Variants in CSMD1 observed in about 807,000 individuals in gnomAD.
The protein encoded by CSMD1 is CUB and sushi domain-containing protein 1.
A neutral mutation model predicts 417.5 loss-of-function variants in CSMD1; 213 were observed. The observed-to-expected ratio is 0.51, with a 90% CI of 0.46 to 0.57. The LOEUF is 0.57. CSMD1 is among the 20% of genes least tolerant of loss of function. The pLI, the probability that CSMD1 is intolerant of heterozygous loss-of-function variation, is 0.00. For missense variants in CSMD1, 6,923 were observed against 4,529.7 expected, an observed-to-expected ratio of 1.53 and a Z score of -15.17; for synonymous variants, 2,862 against 1,736.8, an observed-to-expected ratio of 1.65 and a Z score of -16.11.
intron 1 of CSMD1, among the ~76,000 whole-genome samples, chr8:4,815,583 C>T (rs1026824765): frequency 2.0e-5 from 3 of 150,556 alleles, no homozygotes; most frequent in Non-Finnish European, 2.9e-5. Flanking sequence ...GTAATCCCAG[C>T]TATTTGGGAG....
In CSMD1 at chr8:3,290,211, G is replaced by A. The variant is rs542848916; in HGVS notation, c.3951-5865C>T. Among the ~76,000 whole-genome samples the A allele has an allele frequency of 8.6e-4, 122 of 142,306 alleles. 7 individuals carry two copies. Among genetic ancestry groups the A allele is most frequent in the African/African-American group, 2.3e-3 (82 of 35,256 alleles). 93.4% of individuals were successfully genotyped at this position (142,306 alleles called of 152,430 possible). The stretch of plus-strand genomic sequence containing the variant: ...ATCTCTGTTTTGGTACCAGTACCAT[G>A]CTGTTTTGGTTACTGTAGCCTTGTA... On this transcript the variant is annotated intron_variant, in intron 25 of 69. Transcript: ENST00000635120.
chr8:4,137,932 C>T (rs1398698564), intron 3 of CSMD1, among the ~76,000 whole-genome samples: 1 of 151,638 alleles, frequency 6.6e-6, no homozygotes, highest in East Asian at 1.9e-4. Flanking sequence ...GGTTGGAGTG[C>T]AGTGGCGCAA....
At chr8:4,528,967 G>C (rs1283989750) in intron 2 of CSMD1, among the ~76,000 whole-genome samples, 1 of 152,090 alleles carries the variant, frequency 6.6e-6, no homozygotes, top group African/African-American at 2.4e-5. Flanking sequence ...TTTTTGTTAG[G>C]TCTTTGTGAG....
intron 1 of CSMD1, among the ~76,000 whole-genome samples, chr8:4,795,391 C>A (rs969740702): frequency 6.7e-6 from 1 of 149,192 alleles, no homozygotes; most frequent in Admixed American, 6.8e-5. Flanking sequence ...CCTGCCTCAG[C>A]CTTCCGAGTA....
chr8:3,333,690 A>G (rs1460060845), intron 23 of CSMD1, among the ~76,000 whole-genome samples: 1 of 152,164 alleles, frequency 6.6e-6, no homozygotes, highest in Non-Finnish European at 1.5e-5. Context: ...TTATAACCCT[A>G]TTCTATACTT....
intron 1 of CSMD1, among the ~76,000 whole-genome samples, chr8:4,672,040 G>C (rs1449957038): frequency 6.6e-6 from 1 of 152,138 alleles, no homozygotes; most frequent in African/African-American, 2.4e-5. Flanking sequence ...ATGACACCAA[G>C]GCAGTCCTGT....
At chr8:4,711,663 G>T (rs933198269) in intron 1 of CSMD1, among the ~76,000 whole-genome samples, 4 of 30,680 alleles carry the variant, frequency 1.3e-4, no homozygotes, top group African/African-American at 8.7e-4. Context: ...CTTTACTGTA[G>T]GTAAATTTAA....
rs199563523 is a variant in CSMD1, at chr8:3,406,083, G to C, written c.2210C>G (p.Thr737Ser). 9.9e-6 allele frequency: 16 copies of C among 1,613,958 alleles called. No homozygotes were observed. In the Admixed American group the frequency reaches 2.5e-4, roughly 25 times the overall value. The stretch of plus-strand genomic sequence containing the variant: ...CACGTTCCCGTCTTGCAGTATGCAG[G>C]TAATGGACTCGGATCCCTGGGTCTT... ...FVKTQGSESI[T>S]CILQDGNVVW... Residue 737 changes from threonine (T) to serine (S), a missense_variant, in exon 15 of 70, where the codon ACC (threonine) becomes AGC (serine). By Grantham distance (58) the Thr-to-Ser change is moderately conservative (BLOSUM62 1). Transcript: ENST00000635120.
intron 3 of CSMD1, among the ~76,000 whole-genome samples, chr8:4,187,274 G>T (rs114564183): frequency 6.6e-6 from 1 of 152,102 alleles, no homozygotes; most frequent in African/African-American, 2.4e-5. Flanking sequence ...TGACTTTTAG[G>T]GAATACTGAT....
chr8:4,031,068 G>C (rs76001294), intron 4 of CSMD1, among the ~76,000 whole-genome samples: 22,854 of 152,082 alleles, frequency 0.15, 2,311 homozygotes, highest in East Asian at 0.35. Flanking sequence ...TATTCAACAA[G>C]TCTCTAGAGA....
At chr8:4,449,547 G>T (rs765374004) in intron 2 of CSMD1, among the ~76,000 whole-genome samples, 1 of 152,100 alleles carries the variant, frequency 6.6e-6, no homozygotes, top group East Asian at 1.9e-4. Context: ...ACAGGAAGTT[G>T]GATCCCAATG....
intron 3 of CSMD1, among the ~76,000 whole-genome samples, chr8:4,312,633 T>A (rs1451503349): frequency 8.1e-6 from 1 of 123,640 alleles, no homozygotes; most frequent in East Asian, 1.9e-4. Flanking sequence ...TCCCAACACT[T>A]TGGGAGGCCG....
intron 1 of CSMD1, among the ~76,000 whole-genome samples, chr8:4,694,986 T>C (rs920611881): frequency 3.9e-5 from 6 of 152,150 alleles, no homozygotes; most frequent in African/African-American, 1.4e-4. Context: ...TACATTAAAA[T>C]ACGAAGGTAT....
chr8:3,929,017 C>T lies in CSMD1; in HGVS notation c.818+68886G>A, dbSNP rs1265802726. Among the ~76,000 whole-genome samples the T allele has an allele frequency of 2.0e-5, 3 of 150,274 alleles. 1 individual carries two copies. The highest frequency in any genetic ancestry group is 4.4e-5 in the Non-Finnish European group (3 of 67,492). On this transcript the variant is annotated intron_variant, in intron 5 of 69. Transcript: ENST00000635120. ...AAGAAATCTTACCGATTTTTGGTTT[C>T]CCTGTAACTCTCAGGGCCATCAGCA...
In CSMD1 at chr8:3,897,612, T is replaced by C. The variant is rs558706946; in HGVS notation, c.818+100291A>G. On this transcript the variant is annotated intron_variant, in intron 5 of 69. Transcript: ENST00000635120. ...CTATGCATTTTAAGTAACCCTAAAC[T>C]GCAACTCAAAATGGACTGCTGTAAC... 4.3e-4 allele frequency among the ~76,000 whole-genome samples: 65 copies of C among 152,022 alleles called. 1 individual carries two copies. Among genetic ancestry groups the C allele is most frequent in the Non-Finnish European group, 3.8e-4 (26 of 67,966 alleles).
chr8:3,357,679 G>A (rs1808884036), intron 21 of CSMD1, among the ~76,000 whole-genome samples: 1 of 152,084 alleles, frequency 6.6e-6, no homozygotes, highest in Non-Finnish European at 1.5e-5. Context: ...TGAGTTGGGG[G>A]TTTTGTCCAG....
chr8:4,718,391 T>A (rs1320710585), intron 1 of CSMD1, among the ~76,000 whole-genome samples: 2 of 152,198 alleles, frequency 1.3e-5, no homozygotes, highest in Non-Finnish European at 2.9e-5. Context: ...CAACTTAACA[T>A]GATAAAACAC....
At chr8:4,943,526 A>G (rs1808165408) in intron 1 of CSMD1, among the ~76,000 whole-genome samples, 1 of 105,970 alleles carries the variant, frequency 9.4e-6, no homozygotes, top group South Asian at 3.4e-4. Context: ...AATAAAATAA[A>G]ATAAAATAAA....
At chr8:3,795,911 C>T (rs1377249432) in intron 5 of CSMD1, among the ~76,000 whole-genome samples, 7 of 40,304 alleles carry the variant, frequency 1.7e-4, no homozygotes, top group East Asian at 5.1e-4. Context: ...ATATCATGTA[C>T]AGATATAGAT....
Sources: allele counts gnomAD v4.1 joint callset (sites outside exome capture counted in the v4.1 genomes callset), GRCh38; gene constraint gnomAD v4.1.1; transcripts MANE v1.5; gene names NCBI Gene and HGNC (gene_info 2026-07-23, HGNC 2026-07-21).